CERT1: variants seen among roughly 807,000 people sequenced by gnomAD.
The protein encoded by CERT1 is ceramide transporter 1, also known as ceramide transfer protein.
A neutral mutation model predicts 87.9 loss-of-function variants in CERT1; 31 were observed. That is an observed-to-expected ratio of 0.35 (90% CI 0.27 to 0.48). The LOEUF (loss-of-function observed/expected upper bound fraction) is 0.48, where lower values mean the gene tolerates loss of function less well. Among genes scored for constraint, CERT1 ranks in the 20% least tolerant of loss-of-function variants. The probability of loss-of-function intolerance (pLI) is 0.99; values close to 1 mark genes in which losing one functional copy is unlikely to be tolerated. For synonymous variants in CERT1, 289 were observed against 250.9 expected (o/e 1.15, Z -1.44); for missense variants, 487 against 758.0 (o/e 0.64, Z 4.20).
chr5:75,483,565 C>T (rs1263878186), intron 2 of CERT1, among the ~76,000 whole-genome samples: 1 of 152,020 alleles, frequency 6.6e-6, no homozygotes, highest in East Asian at 1.9e-4. Flanking sequence ...AATAAGTCTA[C>T]ATCAAGGCAT....
chr5:75,447,244 A>G (rs1280793397), intron 3 of CERT1, among the ~76,000 whole-genome samples: 2 of 152,136 alleles, frequency 1.3e-5, no homozygotes, highest in African/African-American at 2.4e-5. Flanking sequence ...CAAAACAGTT[A>G]TATCAGACAT....
chr5:75,410,332 G>A (rs1449538925), intron 8 of CERT1, among the ~76,000 whole-genome samples: 1 of 152,000 alleles, frequency 6.6e-6, no homozygotes, highest in Non-Finnish European at 1.5e-5. Flanking sequence ...ACAGTAGGCC[G>A]GGCGGGGTGG....
At chr5:75,402,750 A>G in intron 9 of CERT1, 1 of 301,680 alleles carries the variant, frequency 3.3e-6, no homozygotes, top group Non-Finnish European at 6.2e-6. Context: ...CAGTAAGCCG[A>G]GATCGCGCCA....
chr5:75,480,563 T>C (rs1411098500), intron 2 of CERT1, among the ~76,000 whole-genome samples: 1 of 152,234 alleles, frequency 6.6e-6, no homozygotes, highest in Non-Finnish European at 1.5e-5. Context: ...TACGTGTGCA[T>C]GCATACACAT....
chr5:75,506,439 TCTC>T (rs1767654147), intron 1 of CERT1, among the ~76,000 whole-genome samples: 1 of 152,214 alleles, frequency 6.6e-6, no homozygotes, highest in Non-Finnish European at 1.5e-5. Flanking sequence ...GCTTTCATCC[TCTC>T]CTAAGTACCT....
intron 11 of CERT1, among the ~76,000 whole-genome samples, chr5:75,394,613 T>G (rs1051093742): frequency 1.3e-5 from 2 of 152,068 alleles, no homozygotes; most frequent in Non-Finnish European, 2.9e-5. Flanking sequence ...TAGCCCCCGC[T>G]ACTGAGGAGA....
In CERT1 at chr5:75,511,575, C is replaced by G; in HGVS notation, c.-368G>C. On this transcript the variant is annotated 5_prime_UTR_variant, in exon 1 of 17. Transcript: ENST00000643780. ...AAGAGAAAATCCGGCCGCTGAGTCC[C>G]GCGTCCACTCACACCTCCGCTACCG... The G allele has an allele frequency of 6.8e-7, 1 of 1,461,252 alleles. No homozygotes were observed. Among genetic ancestry groups the G allele is most frequent in the Non-Finnish European group, 9.0e-7 (1 of 1,108,042 alleles). The allele number at this position is 1,461,252 out of a possible 1,614,324, so 90.5% of individuals were successfully genotyped here. A position where few individuals can be genotyped will look rare whatever the true frequency, so the allele number is the denominator to read the frequency against.
chr5:75,435,574 C>G (rs895346864), intron 3 of CERT1, among the ~76,000 whole-genome samples: 2 of 152,136 alleles, frequency 1.3e-5, no homozygotes, highest in Non-Finnish European at 2.9e-5. Context: ...ATCTTTGAAG[C>G]TGCTGTCTTT....
At chr5:75,491,304 G>T (rs1766784710) in intron 2 of CERT1, among the ~76,000 whole-genome samples, 1 of 151,938 alleles carries the variant, frequency 6.6e-6, no homozygotes, top group Non-Finnish European at 1.5e-5. Flanking sequence ...TTTTCTTGCA[G>T]GTCTTTAAAA....
chr5:75,424,348 G>A (rs1362031442), intron 5 of CERT1, among the ~76,000 whole-genome samples: 2 of 152,110 alleles, frequency 1.3e-5, no homozygotes, highest in African/African-American at 2.4e-5. Flanking sequence ...TTGGAAGGCC[G>A]AGGCGGGCAG....
At chr5:75,448,721 T>C (rs1042995536) in intron 3 of CERT1, among the ~76,000 whole-genome samples, 1 of 152,194 alleles carries the variant, frequency 6.6e-6, no homozygotes, top group Non-Finnish European at 1.5e-5. Flanking sequence ...CCAGTGACTG[T>C]CAGAAATCTT....
intron 3 of CERT1, among the ~76,000 whole-genome samples, chr5:75,451,147 C>T (rs1426141226): frequency 1.3e-5 from 2 of 152,094 alleles, no homozygotes; most frequent in African/African-American, 4.8e-5. Context: ...CTCAAAAATG[C>T]TGGTAGTTTG....
Position 75,379,267 on chromosome 5 carries a change from C to T in CERT1, c.*79G>A. On this transcript the variant is annotated 3_prime_UTR_variant, in exon 17 of 17. Coordinates refer to ENST00000643780, the MANE Select transcript of CERT1 (RefSeq NM_001379029.1). ...AAAACATAGTAAATACTTTCAACAACTAAATTTTAGTATTGACAGTCATAT... is the reference window on the plus strand; with the variant it reads ...AAAACATAGTAAATACTTTCAACAATTAAATTTTAGTATTGACAGTCATAT... 7.9e-7 allele frequency: 1 copy of T among 1,268,958 alleles called. No homozygotes were observed. Among genetic ancestry groups the T allele is most frequent in the Non-Finnish European group, 1.1e-6 (1 of 900,482 alleles). 78.6% of individuals were successfully genotyped at this position (1,268,958 alleles called of 1,614,324 possible).
rs185868338 is a variant in CERT1 at position 75,459,317 on chromosome 5, A to C, written c.232-136T>G. ...TACTTTTTATTTTTCTGCTCAAATA[A>C]CTTGTCTGAAGATAAGAATGTACAA... is the stretch of plus-strand genomic sequence containing the variant. On this transcript the variant is annotated intron_variant, in intron 2 of 16. Transcript: ENST00000643780. 169 of 599,108 alleles carry C rather than the reference A, an allele frequency of 2.8e-4. 1 individual carries two copies. The highest frequency in any genetic ancestry group is 2.8e-3 in the African/African-American group (153 of 54,246). The allele number at this position is 599,108 out of a possible 1,614,324, so 37.1% of individuals were successfully genotyped here. A position where few individuals can be genotyped will look rare whatever the true frequency, so the allele number is the denominator to read the frequency against.
chr5:75,421,796 A>T (rs914299561), intron 5 of CERT1, among the ~76,000 whole-genome samples: 1 of 152,200 alleles, frequency 6.6e-6, no homozygotes, highest in Non-Finnish European at 1.5e-5. Flanking sequence ...ATATCAATGA[A>T]AAGTTAAAAC....
At chr5:75,442,775 G>T (rs953360356) in intron 3 of CERT1, among the ~76,000 whole-genome samples, 1 of 152,088 alleles carries the variant, frequency 6.6e-6, no homozygotes, top group Non-Finnish European at 1.5e-5. Flanking sequence ...GGGGAAATAG[G>T]GGGAGAGAAC....
At chr5:75,449,708 T>G (rs539390737) in intron 3 of CERT1, among the ~76,000 whole-genome samples, 5 of 141,332 alleles carry the variant, frequency 3.5e-5, no homozygotes, top group East Asian at 2.1e-4. Flanking sequence ...GGTGGTGGTG[T>G]TTTTTTTTTT....
chr5:75,453,395 T>A (rs1561273886), intron 3 of CERT1, among the ~76,000 whole-genome samples: 1 of 152,190 alleles, frequency 6.6e-6, no homozygotes, highest in Non-Finnish European at 1.5e-5. Flanking sequence ...ATGGTCTAAA[T>A]AATATAGATA....
chr5:75,485,331 A>AAAAAAAAAAAAAC (rs1766470563), intron 2 of CERT1, among the ~76,000 whole-genome samples: 1 of 148,992 alleles, frequency 6.7e-6, no homozygotes, highest in Non-Finnish European at 1.5e-5. Flanking sequence ...AAAAAAAAAA[A>AAAAAAAAAAAAAC]AAAAAAGAAC....
Sources: allele counts gnomAD v4.1 joint callset (sites outside exome capture counted in the v4.1 genomes callset), GRCh38; gene constraint gnomAD v4.1.1; transcripts MANE v1.5; gene names NCBI Gene and HGNC (gene_info 2026-07-23, HGNC 2026-07-21).